Variants in ICA1L observed in about 807,000 individuals in gnomAD.
The protein encoded by ICA1L is islet cell autoantigen 1-like protein.
ICA1L carries 50 observed loss-of-function variants against 61.3 expected under a neutral mutation model. The ratio of observed to expected loss-of-function variants is 0.82; its 90% CI spans 0.65 to 1.03. The LOEUF (loss-of-function observed/expected upper bound fraction) is 1.03. ICA1L is among the 50% of genes least tolerant of loss of function. The pLI is 0.00. For synonymous variants in ICA1L, 161 were observed against 191.3 expected (o/e 0.84, Z 1.31); for missense variants, 508 against 556.7 (o/e 0.91, Z 0.88).
intron 6 of ICA1L, among the ~76,000 whole-genome samples, chr2:202,816,828 C>T (rs1470483571): frequency 1.3e-5 from 2 of 152,152 alleles, no homozygotes; most frequent in Non-Finnish European, 2.9e-5. Flanking sequence ...TTATTAATAT[C>T]TAACTTATTC....
At chr2:202,819,920 A>G in intron 4 of ICA1L, 21 bp from the exon 5 acceptor site, 1 of 1,589,332 alleles carries the variant, frequency 6.3e-7, no homozygotes, top group South Asian at 1.1e-5. Flanking sequence ...AGAGGTAAAA[A>G]TCAGAGGGTT....
intron 10 of ICA1L, among the ~76,000 whole-genome samples, chr2:202,790,169 T>G (rs1692703544): frequency 6.6e-6 from 1 of 152,152 alleles, no homozygotes; most frequent in Non-Finnish European, 1.5e-5. Context: ...GGTCTTTAAA[T>G]TTGTTGTAAT....
intron 1 of ICA1L, among the ~76,000 whole-genome samples, chr2:202,833,326 A>G (rs1694061824): frequency 6.6e-6 from 1 of 152,228 alleles, no homozygotes; most frequent in Non-Finnish European, 1.5e-5. Flanking sequence ...TCAGGCCTGT[A>G]ATCCCAGGAC....
At chr2:202,784,199 C>T (rs1286550662) in intron 12 of ICA1L, among the ~76,000 whole-genome samples, 1 of 152,118 alleles carries the variant, frequency 6.6e-6, no homozygotes, top group African/African-American at 2.4e-5. Flanking sequence ...CACCTGTAAC[C>T]CCAGCACTTT....
At chr2:202,841,224 C>T (rs1694319983) in intron 1 of ICA1L, 11 of 709,012 alleles carry the variant, frequency 1.6e-5, no homozygotes, top group Admixed American at 3.5e-5. Flanking sequence ...CATCTCTGTA[C>T]GTTTGTTGAT....
chr2:202,833,914 G>T (rs1694078551), intron 1 of ICA1L, among the ~76,000 whole-genome samples: 1 of 152,136 alleles, frequency 6.6e-6, no homozygotes, highest in South Asian at 2.1e-4. Context: ...ACCAGAGGCT[G>T]GGGGGAGGGG....
chr2:202,819,991 C>G, intron 4 of ICA1L, 92 bp from the exon 5 acceptor site: 1 of 926,632 alleles, frequency 1.1e-6, no homozygotes, highest in African/African-American at 1.7e-5. Context: ...TATTTGCTAA[C>G]AAGATGAATC....
At chr2:202,856,848 G>A (rs533867879) in intron 1 of ICA1L, among the ~76,000 whole-genome samples, 5 of 152,224 alleles carry the variant, frequency 3.3e-5, no homozygotes, top group African/African-American at 1.2e-4. Flanking sequence ...TAGACAAGCA[G>A]AGAGCCAAAC....
intron 6 of ICA1L, among the ~76,000 whole-genome samples, chr2:202,816,682 T>C (rs1693545295): frequency 6.6e-6 from 1 of 152,226 alleles, no homozygotes; most frequent in South Asian, 2.1e-4. Flanking sequence ...CCCACAGTAC[T>C]GAACTGAAAT....
chr2:202,855,300 G>A (rs1694737988), intron 1 of ICA1L, among the ~76,000 whole-genome samples: 1 of 152,058 alleles, frequency 6.6e-6, no homozygotes, highest in African/African-American at 2.4e-5. Flanking sequence ...ATTAAGATCA[G>A]AGCAGAACTG....
chr2:202,810,173 C>G (rs1275035326), intron 9 of ICA1L, among the ~76,000 whole-genome samples: 1 of 152,112 alleles, frequency 6.6e-6, no homozygotes. Context: ...CCTTATAGGC[C>G]AGGAGAAAGT....
intron 9 of ICA1L, 63 bp downstream of exon 9, chr2:202,811,683 T>C (rs1397391695): frequency 1.1e-5 from 10 of 884,274 alleles, no homozygotes; most frequent in South Asian, 1.5e-5. Flanking sequence ...AAAAAAAGGC[T>C]GTGATAAACT....
rs545676466 is a variant in ICA1L at position 202,778,987 on chromosome 2, A to C, written c.*546T>G. The C allele has an allele frequency of 6.6e-6, 1 of 152,646 alleles. No homozygotes were observed. The highest frequency in any genetic ancestry group is 2.1e-4 in the South Asian group (1 of 4,830). The allele number at this position is 152,646 out of a possible 1,614,324, so 9.5% of individuals were successfully genotyped here. A position where few individuals can be genotyped will look rare whatever the true frequency, so the allele number is the denominator to read the frequency against. Reference sequence around the variant, plus strand: ...AGTTTCTCTGTGATTTCATTAAAGCAAACTGAGTTCTCAAATCTTACTCTC... The same window carrying C: ...AGTTTCTCTGTGATTTCATTAAAGCCAACTGAGTTCTCAAATCTTACTCTC... On this transcript the variant is annotated 3_prime_UTR_variant, in exon 13 of 13. Transcript: ENST00000358299.
intron 3 of ICA1L, among the ~76,000 whole-genome samples, chr2:202,825,106 G>C (rs1319335174): frequency 2.0e-5 from 3 of 152,158 alleles, no homozygotes; most frequent in Non-Finnish European, 4.4e-5. Flanking sequence ...CAGAGGAATG[G>C]AATTTAACTG....
intron 1 of ICA1L, among the ~76,000 whole-genome samples, chr2:202,861,883 C>CAA (rs71030996): frequency 0.011 from 443 of 40,046 alleles, 11 homozygotes; most frequent in Middle Eastern, 0.026. Context: ...GATTCAGACT[C>CAA]AAAAAAAAAA....
chr2:202,835,264 G>A (rs144630409), intron 1 of ICA1L, among the ~76,000 whole-genome samples: 12,760 of 141,082 alleles, frequency 0.09, 700 homozygotes, highest in Non-Finnish European at 0.13. Context: ...TGTTGCCTAG[G>A]CTGGAGTGCA....
chr2:202,869,312 C>G (rs562157407), intron 1 of ICA1L, among the ~76,000 whole-genome samples: 44 of 152,180 alleles, frequency 2.9e-4, no homozygotes, highest in Admixed American at 2.6e-4. Context: ...GAGCCGAGAT[C>G]CTGCCACTGC....
Position 202,775,790 on chromosome 2 carries a change from A to T in ICA1L, c.*3743T>A, listed in dbSNP as rs1040868823. The T allele has an allele frequency of 6.6e-6, 1 of 152,256 alleles. No homozygotes were observed. The highest frequency in any genetic ancestry group is 1.5e-5 in the Non-Finnish European group (1 of 68,062). 9.4% of individuals were successfully genotyped at this position (152,256 alleles called of 1,614,324 possible). The stretch of plus-strand genomic sequence containing the variant: ...TGCCTTGGCCTCCCAAAGTGCTGTT[A>T]TATAGGCGTGAGCTACCGCGCCTGG... On this transcript the variant is annotated 3_prime_UTR_variant, in exon 13 of 13. Coordinates refer to ENST00000358299, the MANE Select transcript of ICA1L (RefSeq NM_001288622.3).
At chr2:202,828,703 A>G in intron 2 of ICA1L, 145 bp downstream of exon 2, 1 of 711,654 alleles carries the variant, frequency 1.4e-6, no homozygotes, top group South Asian at 1.9e-5. Context: ...CAGAGCTCTG[A>G]TTGACAGATG....
Sources: allele counts gnomAD v4.1 joint callset (sites outside exome capture counted in the v4.1 genomes callset), GRCh38; gene constraint gnomAD v4.1.1; transcripts MANE v1.5; gene names NCBI Gene and HGNC (gene_info 2026-07-23, HGNC 2026-07-21).